AOAH: variants seen among roughly 807,000 people sequenced by gnomAD.
AOAH encodes acyloxyacyl hydrolase (neutrophil).
Under a neutral mutation model 92.2 loss-of-function variants are expected in AOAH, and 64 were observed. The observed-to-expected ratio is 0.69, with a 90% CI of 0.57 to 0.86. AOAH has a LOEUF of 0.86. AOAH is among the 40% of genes least tolerant of loss of function. AOAH has a pLI of 0.00. For synonymous variants in AOAH, 263 were observed against 254.5 expected (o/e 1.03, Z -0.32); for missense variants, 656 against 694.6 (o/e 0.94, Z 0.62).
intron 3 of AOAH, among the ~76,000 whole-genome samples, chr7:36,663,472 C>G (rs1327749932): frequency 6.6e-6 from 1 of 152,162 alleles, no homozygotes; most frequent in Non-Finnish European, 1.5e-5. Context: ...GCCTATTTGT[C>G]TCTCTCTCCA....
intron 1 of AOAH, among the ~76,000 whole-genome samples, chr7:36,716,978 A>T (rs1020719550): frequency 7.4e-5 from 5 of 67,514 alleles, no homozygotes; most frequent in African/African-American, 2.7e-4. Flanking sequence ...TATAATAAAT[A>T]AATAAATAAA....
At chr7:36,574,596 C>A (rs1788356498) in intron 13 of AOAH, among the ~76,000 whole-genome samples, 1 of 152,210 alleles carries the variant, frequency 6.6e-6, no homozygotes, top group South Asian at 2.1e-4. Context: ...TAACAAAGAG[C>A]AGCCTGCAGC....
Position 36,522,116 on chromosome 7 carries a change from C to G in AOAH, c.1523-1G>C. 4 of 1,614,062 alleles carry G rather than the reference C, an allele frequency of 2.5e-6. No homozygotes were observed. The highest frequency in any genetic ancestry group is 3.4e-6 in the Non-Finnish European group (4 of 1,179,918). On this transcript the variant is annotated splice_acceptor_variant, in intron 19 of 20. Coordinates refer to ENST00000617537, the MANE Select transcript of AOAH (RefSeq NM_001637.4). LOFTEE classifies it high-confidence loss of function. ...CCTCTCTTCTGCCACTCCTGTATGA[C>G]TGCAGGGCACATAACGAGAGGGTTA...
At chr7:36,548,013 A>C (rs1758037130) in intron 15 of AOAH, among the ~76,000 whole-genome samples, 1 of 152,220 alleles carries the variant, frequency 6.6e-6, no homozygotes, top group Admixed American at 6.5e-5. Context: ...TTTATTAAAA[A>C]AAATCACAAT....
chr7:36,680,715 T>C (rs1329307932), intron 2 of AOAH, among the ~76,000 whole-genome samples: 3 of 152,220 alleles, frequency 2.0e-5, no homozygotes, highest in Non-Finnish European at 4.4e-5. Flanking sequence ...GAACTGAGTG[T>C]TCTATTTTCA....
chr7:36,637,836 G>A lies in AOAH; in HGVS notation c.450+15C>T, dbSNP rs377023329. The A allele has an allele frequency of 6.2e-6, 10 of 1,612,764 alleles. No homozygotes were observed. The East Asian group carries it at 6.7e-5, about 11-fold the overall frequency. The stretch of plus-strand genomic sequence containing the variant: ...GCCAAGGAAAAGGCTGGCGTTCTAC[G>A]TGCTTAGTGCTTACCAGAATCGGGG... On this transcript the variant is annotated intron_variant, in intron 5 of 20. Transcript: ENST00000617537.
chr7:36,590,308 T>G (rs901616859), intron 12 of AOAH, among the ~76,000 whole-genome samples: 7 of 151,128 alleles, frequency 4.6e-5, no homozygotes, highest in African/African-American at 1.7e-4. Flanking sequence ...CCACAGAGAT[T>G]TTTTTTTTCT....
intron 1 of AOAH, among the ~76,000 whole-genome samples, chr7:36,691,092 C>T (rs973270425): frequency 1.3e-5 from 2 of 152,200 alleles, no homozygotes; most frequent in African/African-American, 4.8e-5. Context: ...CTTTTTGACC[C>T]TGAGTAGAAG....
intron 15 of AOAH, among the ~76,000 whole-genome samples, chr7:36,546,269 A>T (rs1785794956): frequency 6.6e-6 from 1 of 152,192 alleles, no homozygotes; most frequent in Admixed American, 6.5e-5. Flanking sequence ...ATATCCTAAA[A>T]CTTGTTCCAG....
At chr7:36,679,187 A>T (rs891017965) in intron 2 of AOAH, among the ~76,000 whole-genome samples, 7 of 152,234 alleles carry the variant, frequency 4.6e-5, no homozygotes, top group African/African-American at 1.4e-4. Context: ...TTCCTTTCTC[A>T]TAAGAATCTT....
At chr7:36,626,385 T>A (rs972208688) in intron 6 of AOAH, among the ~76,000 whole-genome samples, 1 of 152,216 alleles carries the variant, frequency 6.6e-6, no homozygotes, top group Non-Finnish European at 1.5e-5. Flanking sequence ...GCTGATTTAT[T>A]AACCTTTGTC....
chr7:36,659,349 C>T, intron 3 of AOAH, 84 bp from the exon 4 acceptor site: 4 of 1,149,264 alleles, frequency 3.5e-6, no homozygotes, highest in South Asian at 1.3e-5. Flanking sequence ...AAGGTAAATC[C>T]CCAGAATGGA....
chr7:36,519,134 T>G (rs958426234), intron 20 of AOAH, among the ~76,000 whole-genome samples: 2 of 152,226 alleles, frequency 1.3e-5, no homozygotes, highest in Non-Finnish European at 2.9e-5. Context: ...GCTATTTCTT[T>G]CTTGCTTGAG....
chr7:36,639,055 C>T (rs542011237), intron 4 of AOAH, among the ~76,000 whole-genome samples: 11 of 152,222 alleles, frequency 7.2e-5, no homozygotes, highest in Non-Finnish European at 1.6e-4. Context: ...ACCCAGTATC[C>T]ATTCTGATTA....
chr7:36,640,966 C>T (rs1032015681), intron 4 of AOAH, among the ~76,000 whole-genome samples: 4 of 152,108 alleles, frequency 2.6e-5, no homozygotes, highest in African/African-American at 7.2e-5. Context: ...GCACAGGAGC[C>T]GAGGGGGCAC....
chr7:36,647,640 T>A (rs1403752165), intron 4 of AOAH, among the ~76,000 whole-genome samples: 1 of 152,248 alleles, frequency 6.6e-6, no homozygotes, highest in African/African-American at 2.4e-5. Context: ...AACACCTCTA[T>A]GAGTTTAATA....
intron 3 of AOAH, 44 bp from the exon 4 acceptor site, chr7:36,659,309 G>C (rs1362942224): frequency 6.7e-7 from 1 of 1,489,518 alleles, no homozygotes; most frequent in Admixed American, 1.7e-5. Flanking sequence ...AGATCTCTTA[G>C]GCATTAGGAA....
chr7:36,556,920 G>C (rs1435545287), intron 13 of AOAH, among the ~76,000 whole-genome samples: 1 of 151,458 alleles, frequency 6.6e-6, no homozygotes, highest in Non-Finnish European at 1.5e-5. Flanking sequence ...CACACTGATG[G>C]CTCTTGACTC....
intron 11 of AOAH, among the ~76,000 whole-genome samples, chr7:36,604,866 T>C (rs934339018): frequency 2.6e-5 from 4 of 152,252 alleles, no homozygotes; most frequent in Non-Finnish European, 2.9e-5. Flanking sequence ...CTCATTCTTG[T>C]TGGCTCTGAA....
Sources: allele counts gnomAD v4.1 joint callset (sites outside exome capture counted in the v4.1 genomes callset), GRCh38; gene constraint gnomAD v4.1.1; transcripts MANE v1.5; gene names NCBI Gene and HGNC (gene_info 2026-07-23, HGNC 2026-07-21).